Variants in PPP2R3A observed in about 807,000 individuals in gnomAD.
PPP2R3A encodes serine/threonine-protein phosphatase 2A regulatory subunit B'' subunit alpha.
PPP2R3A carries 80 observed loss-of-function variants against 106.9 expected under a neutral mutation model. The ratio of observed to expected loss-of-function variants is 0.75; its 90% CI spans 0.62 to 0.90. The LOEUF (loss-of-function observed/expected upper bound fraction) is 0.90, where lower values mean the gene tolerates loss of function less well. PPP2R3A is among the 40% of genes least tolerant of loss of function. PPP2R3A has a pLI of 0.00. For synonymous variants in PPP2R3A, 483 were observed against 468.3 expected (o/e 1.03, Z -0.41); for missense variants, 1,386 against 1,350.4 (o/e 1.03, Z -0.41).
intron 13 of PPP2R3A, among the ~76,000 whole-genome samples, chr3:136,109,684 A>G (rs950193276): frequency 3.9e-5 from 6 of 152,234 alleles, no homozygotes; most frequent in African/African-American, 1.4e-4. Flanking sequence ...ATAGACCAGC[A>G]TTAGACTCAG....
intron 6 of PPP2R3A, among the ~76,000 whole-genome samples, chr3:136,071,813 C>T (rs966966109): frequency 2.0e-5 from 3 of 152,164 alleles, no homozygotes; most frequent in Admixed American, 2.0e-4. Flanking sequence ...TCTTACTCTG[C>T]TTCAGCCACC....
chr3:136,013,182 GTA>G (rs58704382), intron 2 of PPP2R3A, among the ~76,000 whole-genome samples: 46,094 of 118,396 alleles, frequency 0.39, 7,640 homozygotes, highest in Middle Eastern at 0.5. Context: ...GTGTGTGTGT[GTA>G]TGTATGTATG....
At chr3:136,132,267 G>C (rs1420124101) in intron 13 of PPP2R3A, among the ~76,000 whole-genome samples, 1 of 152,152 alleles carries the variant, frequency 6.6e-6, no homozygotes, top group African/African-American at 2.4e-5. Context: ...GTCCTAGCCA[G>C]GGCAGTAAGG....
At chr3:136,042,168 A>T (rs369800542) in intron 4 of PPP2R3A, among the ~76,000 whole-genome samples, 3 of 152,236 alleles carry the variant, frequency 2.0e-5, no homozygotes, top group Admixed American at 2.0e-4. Context: ...GTAGGTGATT[A>T]ATAAATGTAT....
intron 13 of PPP2R3A, among the ~76,000 whole-genome samples, chr3:136,140,513 C>T (rs931922932): frequency 6.6e-6 from 1 of 150,788 alleles, no homozygotes; most frequent in Non-Finnish European, 1.5e-5. Flanking sequence ...CTTTGGGAGA[C>T]CGAGGCGGGC....
At chr3:136,063,842 T>C (rs1352237719) in intron 5 of PPP2R3A, among the ~76,000 whole-genome samples, 6 of 150,084 alleles carry the variant, frequency 4.0e-5, no homozygotes, top group Admixed American at 1.3e-4. Flanking sequence ...GTTCAACCAT[T>C]GTGGAAGTCA....
intron 7 of PPP2R3A, among the ~76,000 whole-genome samples, chr3:136,081,080 G>C (rs895137358): frequency 1.3e-5 from 2 of 151,654 alleles, no homozygotes; most frequent in African/African-American, 4.9e-5. Context: ...TGCAACCTCT[G>C]CCTCCCGGTT....
At chr3:135,983,469 A>T (rs1937565842) in intron 1 of PPP2R3A, among the ~76,000 whole-genome samples, 1 of 152,198 alleles carries the variant, frequency 6.6e-6, no homozygotes, top group African/African-American at 2.4e-5. Context: ...TAATACTAAA[A>T]AGACAAGACT....
intron 4 of PPP2R3A, among the ~76,000 whole-genome samples, chr3:136,044,594 A>T (rs1014812108): frequency 2.0e-4 from 29 of 146,574 alleles, no homozygotes; most frequent in Admixed American, 1.6e-3. Context: ...AAAAAAAAAA[A>T]GACAAGGATG....
intron 10 of PPP2R3A, 80 bp from the exon 11 acceptor site, chr3:136,101,927 A>G (rs907929752): frequency 2.1e-6 from 3 of 1,400,436 alleles, no homozygotes; most frequent in Non-Finnish European, 2.9e-6. Flanking sequence ...TGTAACTTTT[A>G]CTTTAAAAGA....
intron 5 of PPP2R3A, among the ~76,000 whole-genome samples, chr3:136,065,698 G>A (rs1936243402): frequency 6.6e-6 from 1 of 152,120 alleles, no homozygotes; most frequent in Admixed American, 6.6e-5. Context: ...GAAATAACAA[G>A]GAGGATCTCG....
rs181573499 is a variant in PPP2R3A at position 136,047,147 on chromosome 3, G to A, written c.2367-2112G>A. ...CCTGAGAGAGAAGGAGCGAGAGTAC[G>A]CAACTTGGAAAACGTATGAGGATAT... On this transcript the variant is annotated intron_variant, in intron 4 of 13. Transcript: ENST00000264977. 1.6e-4 allele frequency among the ~76,000 whole-genome samples: 24 copies of A among 152,278 alleles called. No individual in the cohort carries two copies. In the East Asian group the frequency reaches 3.1e-3, roughly 20 times the overall value.
Position 136,002,495 on chromosome 3 carries a change from A to C in PPP2R3A, c.997A>C (p.Lys333Gln). 6.2e-7 allele frequency: 1 copy of C among 1,614,102 alleles called. No homozygotes were observed. Residue 333 changes from lysine to glutamine, a missense_variant, in exon 2 of 14, where the codon AAA becomes CAA. By Grantham distance (53) the Lys-to-Gln change is moderately conservative. Transcript: ENST00000264977. The stretch of plus-strand genomic sequence containing the variant: ...AGTGTTTGGCACTGAACAACCCCCT[A>C]AATATGAAGATGTTGTCCAGCTCTC... The part of the protein sequence containing the change: ...SPVFGTEQPP[K>Q]YEDVVQLSAS...
intron 10 of PPP2R3A, among the ~76,000 whole-genome samples, chr3:136,096,978 C>CA (rs1310772320): frequency 2.0e-5 from 3 of 152,078 alleles, no homozygotes; most frequent in South Asian, 2.1e-4. Flanking sequence ...CACACACACA[C>CA]AAAAAATGTA....
intron 6 of PPP2R3A, among the ~76,000 whole-genome samples, chr3:136,074,855 C>G (rs994438260): frequency 6.6e-6 from 1 of 152,104 alleles, no homozygotes; most frequent in African/African-American, 2.4e-5. Context: ...AACTTTTCCT[C>G]TTAAGAGAGA....
chr3:136,119,519 A>G (rs1021252318), intron 13 of PPP2R3A, among the ~76,000 whole-genome samples: 6 of 152,128 alleles, frequency 3.9e-5, no homozygotes, highest in Non-Finnish European at 7.4e-5. Context: ...AAATTAAGAA[A>G]AAAGCAACCT....
chr3:136,144,257 A>C (rs1367205781), intron 13 of PPP2R3A, among the ~76,000 whole-genome samples: 1 of 152,238 alleles, frequency 6.6e-6, no homozygotes, highest in Non-Finnish European at 1.5e-5. Flanking sequence ...AAGTAGAATG[A>C]TGGGAAATCC....
chr3:136,061,077 A>G (rs534152888), intron 5 of PPP2R3A, among the ~76,000 whole-genome samples: 3 of 152,340 alleles, frequency 2.0e-5, no homozygotes, highest in Non-Finnish European at 2.9e-5. Context: ...GAATGCTGAT[A>G]CAAGAAAAAG....
chr3:136,050,858 G>A (rs1935661381), intron 5 of PPP2R3A, among the ~76,000 whole-genome samples: 3 of 152,204 alleles, frequency 2.0e-5, no homozygotes, highest in Admixed American at 2.0e-4. Context: ...CTACTTCAGG[G>A]CAGAGAAGAG....
Sources: gnomAD v4.1 joint callset for allele counts (sites outside exome capture counted in the v4.1 genomes callset) on GRCh38, gnomAD v4.1.1 for gene constraint, MANE v1.5 for transcripts, NCBI Gene and HGNC (gene_info 2026-07-23, HGNC 2026-07-21) for gene names.